The following TRAFD1 variants were observed in gnomAD, a reference collection of about 807,000 sequenced individuals.
TRAFD1 encodes TRAF-type zinc finger domain containing 1, also known as TRAF-type zinc finger domain-containing protein 1.
TRAFD1 carries 38 observed loss-of-function variants against 65.3 expected under a neutral mutation model. The observed-to-expected ratio is 0.58, with a 90% CI of 0.45 to 0.76. The LOEUF (loss-of-function observed/expected upper bound fraction) is 0.76, where lower values mean the gene tolerates loss of function less well. Among genes scored for constraint, TRAFD1 ranks in the 30% least tolerant of loss-of-function variants. The probability of loss-of-function intolerance (pLI) is 0.00; values close to 1 mark genes in which losing one functional copy is unlikely to be tolerated. For synonymous variants in TRAFD1, 223 were observed against 257.2 expected, an observed-to-expected ratio of 0.87 and a Z score of 1.27; for missense variants, 631 against 712.6, an observed-to-expected ratio of 0.89 and a Z score of 1.30.
intron 7 of TRAFD1, among the ~76,000 whole-genome samples, chr12:112,147,391 G>A (rs2030281885): frequency 6.6e-6 from 1 of 151,980 alleles, no homozygotes; most frequent in African/African-American, 2.4e-5. Flanking sequence ...TCTGGATGGT[G>A]GAACATACTT....
At chr12:112,138,852 C>T (rs1406814584) in intron 4 of TRAFD1, among the ~76,000 whole-genome samples, 2 of 136,460 alleles carry the variant, frequency 1.5e-5, no homozygotes, top group East Asian at 3.0e-4. Flanking sequence ...AAGCGAACTC[C>T]GTCTCAAAAA....
At chr12:112,148,704 C>G (rs972140935) in intron 8 of TRAFD1, among the ~76,000 whole-genome samples, 1 of 152,096 alleles carries the variant, frequency 6.6e-6, no homozygotes, top group East Asian at 1.9e-4. Context: ...TGTGGATGAC[C>G]CTTACTGGGG....
In TRAFD1 at chr12:112,152,519, A is replaced by G; in HGVS notation, c.1692+20A>G. On this transcript the variant is annotated intron_variant, in intron 11 of 11. Coordinates refer to ENST00000412615, the MANE Select transcript of TRAFD1 (RefSeq NM_006700.3). This position sits in a 1 kb window ranked among gnomAD's most constrained non-coding sequence, Gnocchi z 5.0. ...GCAAAGGTAAGGTGGGCTCCAGCCC[A>G]TGATGCTCAGTGGGGGACTCAGACA... 6.2e-7 allele frequency: 1 copy of G among 1,613,882 alleles called. No homozygotes were observed. The highest frequency in any genetic ancestry group is 8.5e-7 in the Non-Finnish European group (1 of 1,179,930).
intron 1 of TRAFD1, among the ~76,000 whole-genome samples, chr12:112,127,774 C>G (rs2079547875): frequency 6.6e-6 from 1 of 151,146 alleles, no homozygotes; most frequent in African/African-American, 2.4e-5. Flanking sequence ...CTGGGTTTCA[C>G]CATGTTAGGC....
chr12:112,130,714 T>A lies in TRAFD1; in HGVS notation c.47+145T>A. 1.8e-6 allele frequency: 1 copy of A among 549,212 alleles called. No individual in the cohort carries two copies. The highest frequency in any genetic ancestry group is 3.1e-6 in the Non-Finnish European group (1 of 324,418). 34.0% of individuals were successfully genotyped at this position (549,212 alleles called of 1,614,324 possible). A position where few individuals can be genotyped will look rare whatever the true frequency, so the allele number is the denominator to read the frequency against. ...TTTGGTGTTTATAACCCACATGAAT[T>A]ACAAGAAAGAGCATCTCTTTCCTGA... On this transcript the variant is annotated intron_variant, in intron 2 of 11. Coordinates refer to ENST00000412615, the MANE Select transcript of TRAFD1 (RefSeq NM_006700.3). This position sits in a 1 kb window ranked among gnomAD's most constrained non-coding sequence, Gnocchi z 4.4.
chr12:112,141,262 C>G, intron 5 of TRAFD1, 38 bp downstream of exon 5: 1 of 1,597,068 alleles, frequency 6.3e-7, no homozygotes. Flanking sequence ...AGAATGGTAT[C>G]AAAATCCCAA....
chr12:112,152,623 G>T lies in TRAFD1; in HGVS notation c.1693-112G>T, dbSNP rs552328355. On this transcript the variant is annotated intron_variant, in intron 11 of 11. Coordinates refer to ENST00000412615, the MANE Select transcript of TRAFD1 (RefSeq NM_006700.3). The surrounding 1 kb of genome is among the most constrained non-coding windows in gnomAD (Gnocchi z 5.0). ...TTGTGGTTCAAAGATTGTTCCTTTG[G>T]CTTTTGAGAAGGAGGTTTCTAAGGA... 386 of 1,596,504 alleles carry T rather than the reference G, an allele frequency of 2.4e-4. No individual in the cohort carries two copies. The highest frequency in any genetic ancestry group is 3.0e-4 in the Non-Finnish European group (356 of 1,167,314).
At chr12:112,133,217 A>G (rs888230981) in intron 2 of TRAFD1, 3 of 152,208 alleles carry the variant, frequency 2.0e-5, no homozygotes, top group Non-Finnish European at 2.9e-5. Context: ...GGTGGAGGAA[A>G]GGGTTCAGGA....
intron 6 of TRAFD1, among the ~76,000 whole-genome samples, chr12:112,144,331 G>A (rs559034143): frequency 1.3e-4 from 19 of 151,048 alleles, no homozygotes; most frequent in East Asian, 7.8e-4. Context: ...GTGCCATGGC[G>A]CGATCTTGGC....
At chr12:112,136,579 G>A (rs964514935) in intron 4 of TRAFD1, among the ~76,000 whole-genome samples, 2 of 151,762 alleles carry the variant, frequency 1.3e-5, no homozygotes, top group Non-Finnish European at 2.9e-5. Context: ...CACCATGCCC[G>A]GTCATTTTTC....
intron 9 of TRAFD1, among the ~76,000 whole-genome samples, chr12:112,151,106 C>T (rs969686888): frequency 9.2e-5 from 14 of 151,706 alleles, no homozygotes; most frequent in South Asian, 4.1e-4. Flanking sequence ...GGCGTGGTGG[C>T]GGGCGCCAGT....
chr12:112,142,640 C>A (rs2030126062), intron 6 of TRAFD1, among the ~76,000 whole-genome samples: 1 of 151,534 alleles, frequency 6.6e-6, no homozygotes, highest in South Asian at 2.1e-4. Context: ...CAGAGTGACA[C>A]CTTGTCTCAA....
chr12:112,134,639 A>G, intron 2 of TRAFD1, 99 bp from the exon 3 acceptor site: 5 of 1,364,360 alleles, frequency 3.7e-6, no homozygotes, highest in Non-Finnish European at 5.0e-6. Context: ...AATGGAGACT[A>G]AAGATTGGAC....
chr12:112,149,625 C>T, intron 8 of TRAFD1, 126 bp from the exon 9 acceptor site: 5 of 1,322,932 alleles, frequency 3.8e-6, no homozygotes, highest in African/African-American at 1.5e-5. Context: ...CTGAAAGTTC[C>T]CAGAACTTTC....
At chr12:112,143,998 G>A (rs2030165397) in intron 6 of TRAFD1, among the ~76,000 whole-genome samples, 1 of 151,740 alleles carries the variant, frequency 6.6e-6, no homozygotes, top group Non-Finnish European at 1.5e-5. Context: ...CAAAGGATTG[G>A]GATTACAGGC....
In TRAFD1 at chr12:112,130,937, T is replaced by C. The variant is rs1351610305; in HGVS notation, c.47+368T>C. 6.6e-6 allele frequency among the ~76,000 whole-genome samples: 1 copy of C among 152,250 alleles called. No individual in the cohort carries two copies. Among genetic ancestry groups the C allele is most frequent in the Non-Finnish European group, 1.5e-5 (1 of 68,034 alleles). On this transcript the variant is annotated intron_variant, in intron 2 of 11. Transcript: ENST00000412615. The surrounding 1 kb of genome is among the most constrained non-coding windows in gnomAD (Gnocchi z 4.4). ...CTTTCACAATGTGCTATGTTTACCT[T>C]AGCAAACTGTGGTAGAAAGAGATGT...
chr12:112,134,008 T>A (rs2079580411), intron 2 of TRAFD1, among the ~76,000 whole-genome samples: 1 of 142,426 alleles, frequency 7.0e-6, no homozygotes, highest in Non-Finnish European at 1.5e-5. Flanking sequence ...TTAATTTTTT[T>A]TTTTTTTTTT....
chr12:112,147,092 G>A (rs914075145), intron 7 of TRAFD1, among the ~76,000 whole-genome samples: 3 of 139,438 alleles, frequency 2.2e-5, no homozygotes, highest in Admixed American at 7.7e-5. Flanking sequence ...CTCTGCCTCC[G>A]GGGTTCCGGC....
intron 2 of TRAFD1, among the ~76,000 whole-genome samples, chr12:112,131,942 T>C (rs1052983974): frequency 2.0e-5 from 3 of 152,254 alleles, no homozygotes; most frequent in Admixed American, 6.5e-5. Flanking sequence ...CTTCATATTA[T>C]GATGGTGTGG....
Sources: gnomAD v4.1 joint callset for allele counts (sites outside exome capture counted in the v4.1 genomes callset) on GRCh38, gnomAD v4.1.1 for gene constraint, Gnocchi (gnomAD v3.1) non-coding constraint, MANE v1.5 for transcripts, NCBI Gene and HGNC (gene_info 2026-07-23, HGNC 2026-07-21) for gene names.